ANKRD12: variants seen among roughly 807,000 people sequenced by gnomAD.
The protein encoded by ANKRD12 is ankyrin repeat domain-containing protein 12.
A neutral mutation model predicts 183.4 loss-of-function variants in ANKRD12; 85 were observed. The observed-to-expected ratio is 0.46, with a 90% CI of 0.39 to 0.56. The LOEUF (loss-of-function observed/expected upper bound fraction) is 0.56, where lower values mean the gene tolerates loss of function less well. Among genes scored for constraint, ANKRD12 ranks in the 20% least tolerant of loss-of-function variants. The pLI, the probability that ANKRD12 is intolerant of heterozygous loss-of-function variation, is 0.00. For missense variants in ANKRD12, 2,405 were observed against 2,357.1 expected (o/e 1.02, Z -0.42); for synonymous variants, 914 against 800.2 (o/e 1.14, Z -2.40).
At chr18:9,208,974 A>G (rs34742526) in intron 5 of ANKRD12, among the ~76,000 whole-genome samples, 171 bp downstream of exon 5, 54,912 of 152,078 alleles carry the variant, frequency 0.36, 12,401 homozygotes, top group Non-Finnish European at 0.48. Context: ...ACAGTTTATC[A>G]TCTGTATCCT....
intron 4 of ANKRD12, among the ~76,000 whole-genome samples, chr18:9,205,387 CT>C (rs1276272253): frequency 2.4e-4 from 37 of 151,862 alleles, no homozygotes; most frequent in Non-Finnish European, 2.5e-4. Context: ...GTTATAAAAA[CT>C]AAAGTAAACC....
intron 7 of ANKRD12, among the ~76,000 whole-genome samples, chr18:9,218,325 G>A (rs1477910655): frequency 6.6e-6 from 1 of 152,156 alleles, no homozygotes; most frequent in East Asian, 1.9e-4. Flanking sequence ...ACATGCCTAG[G>A]ATAGTAGGAG....
intron 3 of ANKRD12, among the ~76,000 whole-genome samples, chr18:9,196,319 T>C (rs1282004189): frequency 6.6e-6 from 1 of 152,088 alleles, no homozygotes; most frequent in East Asian, 1.9e-4. Context: ...ATCCCAGTTA[T>C]TCATAACGGA....
intron 2 of ANKRD12, 107 bp downstream of exon 2, chr18:9,182,626 G>A: frequency 1.6e-6 from 1 of 609,546 alleles, no homozygotes; most frequent in South Asian, 2.5e-5. Flanking sequence ...ATGGATGCCA[G>A]ATAAATCCAA....
At chr18:9,171,355 T>C (rs1208863635) in intron 1 of ANKRD12, among the ~76,000 whole-genome samples, 1 of 152,232 alleles carries the variant, frequency 6.6e-6, no homozygotes, top group African/African-American at 2.4e-5. Flanking sequence ...GAAGACAGCG[T>C]ACTGATGGGT....
intron 3 of ANKRD12, among the ~76,000 whole-genome samples, chr18:9,201,896 C>T (rs1413588622): frequency 1.3e-5 from 2 of 151,280 alleles, no homozygotes; most frequent in East Asian, 2.0e-4. Context: ...GGCACAGTCT[C>T]GGCTCACTGC....
intron 10 of ANKRD12, among the ~76,000 whole-genome samples, chr18:9,268,394 C>G (rs1238728874): frequency 3.3e-5 from 5 of 152,194 alleles, no homozygotes; most frequent in Non-Finnish European, 1.5e-5. Flanking sequence ...CAAACCGAAT[C>G]CAGCAGCACA....
rs112653971 is a variant in ANKRD12 at position 9,151,030 on chromosome 18, A to G, written c.-52+14065A>G. Among the ~76,000 whole-genome samples, 1,249 of 152,314 alleles carry G rather than the reference A, an allele frequency of 8.2e-3. 28 individuals carry two copies. Among genetic ancestry groups the G allele is most frequent in the African/African-American group, 0.029 (1,190 of 41,564 alleles). On this transcript the variant is annotated intron_variant, in intron 1 of 12. Coordinates refer to ENST00000262126, the MANE Select transcript of ANKRD12 (RefSeq NM_015208.5). Reference sequence around the variant, plus strand: ...CATGAGCTTTTTGTGGGAAAATGTTATGGAATAACTGCCAGAAAACATTGT... The same window carrying G: ...CATGAGCTTTTTGTGGGAAAATGTTGTGGAATAACTGCCAGAAAACATTGT...
intron 1 of ANKRD12, among the ~76,000 whole-genome samples, chr18:9,181,602 T>C (rs1362039431): frequency 6.6e-6 from 1 of 152,238 alleles, no homozygotes; most frequent in Non-Finnish European, 1.5e-5. Flanking sequence ...GTACAGTGGC[T>C]AGTTTAATTT....
At chr18:9,180,689 TTGAA>T (rs2033638806) in intron 1 of ANKRD12, among the ~76,000 whole-genome samples, 1 of 152,216 alleles carries the variant, frequency 6.6e-6, no homozygotes, top group Non-Finnish European at 1.5e-5. Flanking sequence ...TATTAGTTGA[TTGAA>T]GGAATATTTT....
intron 1 of ANKRD12, among the ~76,000 whole-genome samples, chr18:9,173,612 G>T (rs1177952613): frequency 7.9e-6 from 1 of 126,332 alleles, no homozygotes; most frequent in Admixed American, 8.1e-5. Flanking sequence ...TCCCGGTGGG[G>T]TGGTGGGGGG....
chr18:9,277,738 A>AG, intron 11 of ANKRD12, among the ~76,000 whole-genome samples: 1 of 132,208 alleles, frequency 7.6e-6, no homozygotes, highest in Non-Finnish European at 1.7e-5. Flanking sequence ...AAACATTAAG[A>AG]AATTTCTGAT....
At chr18:9,274,012 A>G (rs2039721691) in intron 10 of ANKRD12, among the ~76,000 whole-genome samples, 2 of 152,362 alleles carry the variant, frequency 1.3e-5, no homozygotes, top group East Asian at 1.9e-4. Context: ...ACTAAAATCT[A>G]CTGGACAGCT....
At chr18:9,228,249 C>G (rs1219726894) in intron 8 of ANKRD12, among the ~76,000 whole-genome samples, 8 of 152,128 alleles carry the variant, frequency 5.3e-5, no homozygotes, top group Non-Finnish European at 1.0e-4. Flanking sequence ...TAGGTTGATT[C>G]CATATCTTTG....
At chr18:9,212,862 T>G (rs1054516235) in intron 6 of ANKRD12, among the ~76,000 whole-genome samples, 1 of 151,978 alleles carries the variant, frequency 6.6e-6, no homozygotes, top group Non-Finnish European at 1.5e-5. Flanking sequence ...ACATTTCTTA[T>G]GTTTATTATA....
At chr18:9,218,554 G>A (rs1345623755) in intron 7 of ANKRD12, among the ~76,000 whole-genome samples, 1 of 152,012 alleles carries the variant, frequency 6.6e-6, no homozygotes, top group African/African-American at 2.4e-5. Context: ...GAAATATAAC[G>A]GTTCTGTAGC....
At chr18:9,277,321 C>CTTT (rs773999861) in intron 11 of ANKRD12, among the ~76,000 whole-genome samples, 887 of 84,626 alleles carry the variant, frequency 0.01, 15 homozygotes, top group Non-Finnish European at 0.016. Flanking sequence ...CACCCTGTTT[C>CTTT]TTTTTTTTTT....
At chr18:9,216,531 A>G (rs1378758954) in intron 6 of ANKRD12, among the ~76,000 whole-genome samples, 1 of 152,160 alleles carries the variant, frequency 6.6e-6, no homozygotes, top group Non-Finnish European at 1.5e-5. Flanking sequence ...GGGGGTTAAC[A>G]CCCCTAACCT....
At chr18:9,205,338 TGGG>T (rs1183768286) in intron 4 of ANKRD12, among the ~76,000 whole-genome samples, 106 of 152,068 alleles carry the variant, frequency 7.0e-4, no homozygotes, top group Non-Finnish European at 7.9e-4. Context: ...TTTTAGTCCC[TGGG>T]TGTCTAAGTG....
Sources: gnomAD v4.1 joint callset for allele counts (sites outside exome capture counted in the v4.1 genomes callset) on GRCh38, gnomAD v4.1.1 for gene constraint, MANE v1.5 for transcripts, NCBI Gene and HGNC (gene_info 2026-07-23, HGNC 2026-07-21) for gene names.